PCDH15: variants seen among roughly 807,000 people sequenced by gnomAD.
The protein encoded by PCDH15 is protocadherin-15.
In PCDH15, 129 loss-of-function variants were observed where a neutral mutation model predicts 178.5. The ratio of observed to expected loss-of-function variants is 0.72; its 90% CI spans 0.63 to 0.84. The LOEUF (loss-of-function observed/expected upper bound fraction) is 0.84, where lower values mean the gene tolerates loss of function less well. Ranked by LOEUF, PCDH15 falls within the 40% of genes least tolerant of loss-of-function variation. The probability of loss-of-function intolerance (pLI) is 0.00; values close to 1 mark genes in which losing one functional copy is unlikely to be tolerated. For missense variants in PCDH15, 2,230 were observed against 2,099.9 expected (o/e 1.06, Z -1.21); for synonymous variants, 800 against 732.0 (o/e 1.09, Z -1.50).
At chr10:54,942,245 T>C (rs577999173) in intron 2 of PCDH15, among the ~76,000 whole-genome samples, 3 of 152,082 alleles carry the variant, frequency 2.0e-5, no homozygotes, top group Non-Finnish European at 4.4e-5. Flanking sequence ...AACCTCTGTG[T>C]TGTTCATTAG....
At chr10:54,420,319 T>C (rs1338106292) in intron 3 of PCDH15, among the ~76,000 whole-genome samples, 2 of 152,092 alleles carry the variant, frequency 1.3e-5, no homozygotes, top group African/African-American at 2.4e-5. Context: ...GCCAAAGATA[T>C]GTCATTTAAG....
At chr10:54,753,512 CA>C (rs376044480) in intron 1 of PCDH15, among the ~76,000 whole-genome samples, 3 of 151,602 alleles carry the variant, frequency 2.0e-5, no homozygotes, top group East Asian at 1.9e-4. Flanking sequence ...AACAAACAAA[CA>C]AAAAAAAAAA....
At chr10:54,970,927 T>C (rs1194463589) in intron 2 of PCDH15, among the ~76,000 whole-genome samples, 2 of 152,190 alleles carry the variant, frequency 1.3e-5, no homozygotes, top group East Asian at 3.9e-4. Context: ...TGTTCCACCA[T>C]TGAGTTTTGG....
chr10:54,463,789 A>C (rs2077344493), intron 3 of PCDH15, among the ~76,000 whole-genome samples: 1 of 152,078 alleles, frequency 6.6e-6, no homozygotes. Context: ...AAGTGATTCC[A>C]AAGCGGTAGT....
chr10:55,231,193 C>T (rs1030823544), intron 1 of PCDH15, among the ~76,000 whole-genome samples: 1 of 151,828 alleles, frequency 6.6e-6, no homozygotes, highest in Non-Finnish European at 1.5e-5. Context: ...TCGCAAGCAA[C>T]AAAAATTGAA....
intron 26 of PCDH15, among the ~76,000 whole-genome samples, chr10:53,877,222 G>A (rs1254751196): frequency 1.3e-5 from 2 of 151,318 alleles, no homozygotes; most frequent in Non-Finnish European, 2.9e-5. Context: ...TGCTTTTTCC[G>A]TCATTATTGC....
intron 3 of PCDH15, among the ~76,000 whole-genome samples, chr10:54,835,664 G>T (rs760691199): frequency 6.6e-6 from 1 of 151,846 alleles, no homozygotes. Flanking sequence ...CATTCACATA[G>T]CTCCTGTCCA....
At chr10:54,177,839 G>A (rs1260568841) in intron 13 of PCDH15, among the ~76,000 whole-genome samples, 1 of 152,096 alleles carries the variant, frequency 6.6e-6, no homozygotes, top group East Asian at 1.9e-4. Flanking sequence ...AAAGATAATT[G>A]ATTAGTTAAT....
chr10:54,869,396 T>C (rs1953995604), intron 3 of PCDH15, among the ~76,000 whole-genome samples: 1 of 152,158 alleles, frequency 6.6e-6, no homozygotes. Flanking sequence ...ATTTCTGTAG[T>C]TTAAAGCTAC....
chr10:55,332,694 C>T (rs1395018570), intron 2 of PCDH15, among the ~76,000 whole-genome samples: 1 of 152,066 alleles, frequency 6.6e-6, no homozygotes, highest in African/African-American at 2.4e-5. Context: ...GTGGTTTACC[C>T]CACAATGTTC....
intron 2 of PCDH15, among the ~76,000 whole-genome samples, chr10:55,391,970 G>A (rs956171064): frequency 6.6e-6 from 1 of 152,100 alleles, no homozygotes; most frequent in Non-Finnish European, 1.5e-5. Context: ...GCAACTCTTA[G>A]AGGCCATTGT....
chr10:54,010,504 C>T (rs961838760), intron 20 of PCDH15, among the ~76,000 whole-genome samples: 38 of 152,276 alleles, frequency 2.5e-4, no homozygotes, highest in African/African-American at 6.0e-4. Flanking sequence ...CAGCACAGCA[C>T]GGCAGCATTA....
At chr10:54,018,422 G>T (rs1053292161) in intron 20 of PCDH15, among the ~76,000 whole-genome samples, 3 of 151,856 alleles carry the variant, frequency 2.0e-5, no homozygotes, top group Admixed American at 6.6e-5. Context: ...AATTATCATA[G>T]GTAAATTCTG....
At chr10:55,156,530 G>A (rs574930311) in intron 2 of PCDH15, among the ~76,000 whole-genome samples, 4 of 152,174 alleles carry the variant, frequency 2.6e-5, no homozygotes, top group South Asian at 4.1e-4. Context: ...TTCACTCATG[G>A]GAGAATCTGT....
At chr10:54,489,202 TA>T (rs1345283967) in intron 3 of PCDH15, among the ~76,000 whole-genome samples, 2 of 152,082 alleles carry the variant, frequency 1.3e-5, no homozygotes, top group Non-Finnish European at 2.9e-5. Context: ...GATTAACTTG[TA>T]TTCAAGCCAT....
At chr10:55,191,477 T>A (rs1839942914) in intron 1 of PCDH15, among the ~76,000 whole-genome samples, 1 of 151,830 alleles carries the variant, frequency 6.6e-6, no homozygotes, top group Admixed American at 6.6e-5. Flanking sequence ...GTCTCAGGAA[T>A]GCAAGATTAG....
At chr10:55,534,185 A>C (rs1841519352) in intron 2 of PCDH15, among the ~76,000 whole-genome samples, 1 of 152,108 alleles carries the variant, frequency 6.6e-6, no homozygotes, top group Non-Finnish European at 1.5e-5. Flanking sequence ...TTTTTGGCTA[A>C]GTCTCTAAAA....
chr10:54,789,203 C>T (rs906152609), intron 1 of PCDH15, among the ~76,000 whole-genome samples: 1 of 151,736 alleles, frequency 6.6e-6, no homozygotes, highest in Non-Finnish European at 1.5e-5. Flanking sequence ...AAAGCAAATA[C>T]AAAAACAAAA....
intron 28 of PCDH15, among the ~76,000 whole-genome samples, chr10:53,853,052 C>T (rs1197812019): frequency 1.3e-5 from 2 of 151,954 alleles, no homozygotes; most frequent in Admixed American, 6.6e-5. Context: ...CTTATCACTA[C>T]CACTTCCATC....
Sources: gnomAD v4.1 joint callset for allele counts (sites outside exome capture counted in the v4.1 genomes callset) on GRCh38, gnomAD v4.1.1 for gene constraint, MANE v1.5 for transcripts, NCBI Gene and HGNC (gene_info 2026-07-23, HGNC 2026-07-21) for gene names.